GALNT14: variants seen among roughly 807,000 people sequenced by gnomAD.
GALNT14 encodes the protein UDP-GalNAc:polypeptide N-acetylgalactosaminyltransferase 14.
Under a neutral mutation model 77.5 loss-of-function variants are expected in GALNT14, and 60 were observed. That is an observed-to-expected ratio of 0.77 (90% CI 0.63 to 0.96). The LOEUF is 0.96. Ranked by LOEUF, GALNT14 falls within the 40% of genes least tolerant of loss-of-function variation. The pLI is 0.00. For missense variants in GALNT14, 710 were observed against 731.0 expected, an observed-to-expected ratio of 0.97 and a Z score of 0.33; for synonymous variants, 280 against 281.7, an observed-to-expected ratio of 0.99 and a Z score of 0.06.
chr2:31,056,085 C>A (rs1206404761), intron 1 of GALNT14, among the ~76,000 whole-genome samples: 1 of 152,198 alleles, frequency 6.6e-6, no homozygotes, highest in Admixed American at 6.5e-5. Flanking sequence ...CCGTGTGCCC[C>A]AAATCACCCA....
At chr2:30,995,535 C>T (rs1481608448) in intron 1 of GALNT14, among the ~76,000 whole-genome samples, 2 of 152,100 alleles carry the variant, frequency 1.3e-5, no homozygotes, top group East Asian at 1.9e-4. Context: ...ACTCTGTCAC[C>T]CAGGCTGGAG....
intron 1 of GALNT14, among the ~76,000 whole-genome samples, chr2:31,117,596 A>G (rs1212805436): frequency 6.6e-6 from 1 of 152,228 alleles, no homozygotes; most frequent in East Asian, 1.9e-4. Flanking sequence ...AGATATGACC[A>G]TAGGTGTAGA....
intron 1 of GALNT14, among the ~76,000 whole-genome samples, chr2:31,054,436 T>C (rs1674086975): frequency 6.6e-6 from 1 of 152,190 alleles, no homozygotes; most frequent in South Asian, 2.1e-4. Context: ...GTTTTATTGT[T>C]ACTATGGCAT....
At chr2:31,019,431 T>C (rs966869878) in intron 1 of GALNT14, among the ~76,000 whole-genome samples, 2 of 152,104 alleles carry the variant, frequency 1.3e-5, no homozygotes, top group African/African-American at 2.4e-5. Context: ...CACACTGTCA[T>C]TTTGAGGGGA....
chr2:31,071,744 C>G lies in GALNT14; in HGVS notation c.129+66214G>C, dbSNP rs769564531. 5.5e-4 allele frequency among the ~76,000 whole-genome samples: 84 copies of G among 152,366 alleles called. 1 individual carries two copies. Among genetic ancestry groups the G allele is most frequent in the Non-Finnish European group, 1.0e-4 (7 of 68,034 alleles). On this transcript the variant is annotated intron_variant, in intron 1 of 14. Coordinates refer to ENST00000349752, the MANE Select transcript of GALNT14 (RefSeq NM_024572.4). The stretch of plus-strand genomic sequence containing the variant: ...CCTGCCTCTGGATTCTGACAGCTCT[C>G]TGTTCCTTCAGACCCAACAGTGGGT...
chr2:31,138,408 C>CGCCGCCGCT lies in GALNT14; in HGVS notation c.-323_-322insAGCGGCGGC, dbSNP rs1427839520. The CGCCGCCGCT allele has an allele frequency of 2.8e-6, 1 of 357,068 alleles. No homozygotes were observed. The highest frequency in any genetic ancestry group is 5.0e-6 in the Non-Finnish European group (1 of 199,410). 22.1% of individuals were successfully genotyped at this position (357,068 alleles called of 1,614,324 possible). Reference sequence around the variant, plus strand: ...CCACCGCGGCTGCCGCCGCCGCCGCCGCCGCCTTGCCCGCTGCCGCCGATA... The same window carrying CGCCGCCGCT: ...CCACCGCGGCTGCCGCCGCCGCCGCCGCCGCCGCTGCCGCCTTGCCCGCTGCCGCCGATA... On this transcript the variant is annotated 5_prime_UTR_variant, in exon 1 of 15. Coordinates refer to ENST00000349752, the MANE Select transcript of GALNT14 (RefSeq NM_024572.4).
intron 1 of GALNT14, among the ~76,000 whole-genome samples, chr2:31,038,172 G>T (rs1672876850): frequency 7.3e-6 from 1 of 137,052 alleles, no homozygotes; most frequent in Non-Finnish European, 1.5e-5. Context: ...TCAGCTTACT[G>T]CAACCCCCGC....
At chr2:31,095,620 C>G (rs1010278406) in intron 1 of GALNT14, among the ~76,000 whole-genome samples, 2 of 152,070 alleles carry the variant, frequency 1.3e-5, no homozygotes, top group African/African-American at 2.4e-5. Flanking sequence ...AGGCTGGCTA[C>G]AGAGAGAAGA....
chr2:30,929,705 A>G (rs1665611967), intron 10 of GALNT14, among the ~76,000 whole-genome samples: 1 of 152,242 alleles, frequency 6.6e-6, no homozygotes. Flanking sequence ...ACAAGATTTT[A>G]GTACAGGTTG....
At chr2:31,043,092 G>C (rs1400957501) in intron 1 of GALNT14, among the ~76,000 whole-genome samples, 1 of 152,064 alleles carries the variant, frequency 6.6e-6, no homozygotes, top group Non-Finnish European at 1.5e-5. Flanking sequence ...GACCCTTGCT[G>C]TTCGTCAGAT....
intron 1 of GALNT14, among the ~76,000 whole-genome samples, chr2:30,995,675 T>G (rs769910763): frequency 6.6e-6 from 1 of 152,146 alleles, no homozygotes; most frequent in Non-Finnish European, 1.5e-5. Flanking sequence ...TTACGTTTTA[T>G]TTTTTGTGGA....
chr2:30,940,470 C>G (rs1193533833), intron 9 of GALNT14, among the ~76,000 whole-genome samples: 6 of 152,166 alleles, frequency 3.9e-5, no homozygotes, highest in Admixed American at 1.3e-4. Context: ...GAAGAATTCT[C>G]TAATAGTTCA....
the GALNT14 span, among the ~76,000 whole-genome samples, chr2:30,893,452 T>G: frequency 6.6e-6 from 1 of 152,244 alleles, no homozygotes; most frequent in Admixed American, 6.5e-5. Flanking sequence ...TTTATTGTAA[T>G]TCACTATTTG....
chr2:30,900,516 C>A, the GALNT14 span, among the ~76,000 whole-genome samples: 8 of 152,182 alleles, frequency 5.3e-5, no homozygotes, highest in East Asian at 1.9e-4. Flanking sequence ...CAGGCTTATT[C>A]TCTCACTCAT....
At chr2:30,906,886 G>T (rs908923641), downstream of GALNT14, among the ~76,000 whole-genome samples, 1 of 152,120 alleles carries the variant, frequency 6.6e-6, no homozygotes, top group Non-Finnish European at 1.5e-5. Context: ...AATCAAACTA[G>T]AACTCAGGAT....
At chr2:30,942,072 C>T in intron 9 of GALNT14, 129 bp downstream of exon 9, 1 of 635,866 alleles carries the variant, frequency 1.6e-6, no homozygotes. Flanking sequence ...CACCATCTCC[C>T]AGGACCTCAT....
rs1479959982 is a variant in GALNT14 at position 30,942,261 on chromosome 2, A to C, written c.871T>G (p.Trp291Gly). The change falls in exon 9 of 15, where the codon TGG becomes GGG. Residue 291 changes from tryptophan to glycine, a missense_variant. Physicochemically the swap from Trp to Gly is radical, Grantham distance 184. Coordinates refer to ENST00000349752, the MANE Select transcript of GALNT14 (RefSeq NM_024572.4). The part of the protein sequence containing the change: ...AGGLFVIDKA[W>G]FDYLGKYDMD... ...TCATATTTCCCCAGGTAATCAAACC[A>C]AGCTTTGTCGATCACGAAGAGCCCT... The C allele has an allele frequency of 6.2e-7, 1 of 1,614,156 alleles. No homozygotes were observed. Among genetic ancestry groups the C allele is most frequent in the Non-Finnish European group, 8.5e-7 (1 of 1,180,008 alleles).
At chr2:31,031,382 T>A (rs1295178520) in intron 1 of GALNT14, among the ~76,000 whole-genome samples, 1 of 152,184 alleles carries the variant, frequency 6.6e-6, no homozygotes, top group Non-Finnish European at 1.5e-5. Flanking sequence ...TACTGGACCA[T>A]TATTTCCAAA....
chr2:30,942,155 G>A, intron 9 of GALNT14, 46 bp downstream of exon 9: 12 of 1,384,146 alleles, frequency 8.7e-6, no homozygotes, highest in Non-Finnish European at 1.2e-5. Flanking sequence ...CCAATCCCCA[G>A]GGTGTATAGA....
Sources: gnomAD v4.1 joint callset for allele counts (sites outside exome capture counted in the v4.1 genomes callset) on GRCh38, gnomAD v4.1.1 for gene constraint, MANE v1.5 for transcripts, NCBI Gene and HGNC (gene_info 2026-07-23, HGNC 2026-07-21) for gene names.